HRG: variants seen among roughly 807,000 people sequenced by gnomAD.
HRG encodes the protein histidine-rich glycoprotein.
Under a neutral mutation model 29.5 loss-of-function variants are expected in HRG, and 26 were observed. The observed-to-expected ratio is 0.88, with a 90% CI of 0.65 to 1.22. HRG has a LOEUF of 1.22. Among genes scored for constraint, HRG ranks in the 50% most tolerant of loss-of-function variants. The probability of loss-of-function intolerance (pLI) is 0.00; values close to 1 mark genes in which losing one functional copy is unlikely to be tolerated. For synonymous variants in HRG, 243 were observed against 240.4 expected, an observed-to-expected ratio of 1.01 and a Z score of -0.10; for missense variants, 671 against 654.5, an observed-to-expected ratio of 1.03 and a Z score of -0.28.
chr3:186,666,531 C>A (rs532979438), intron 1 of HRG, among the ~76,000 whole-genome samples: 18 of 152,286 alleles, frequency 1.2e-4, no homozygotes, highest in African/African-American at 4.3e-4. Context: ...CTGGCACATA[C>A]AGGCAAACAG....
chr3:186,672,442 AT>A (rs1380342313), intron 4 of HRG, among the ~76,000 whole-genome samples: 1 of 152,182 alleles, frequency 6.6e-6, no homozygotes, highest in Non-Finnish European at 1.5e-5. Flanking sequence ...AAACACTTAG[AT>A]CTCCCTGTGT....
At position 186,672,851 on chromosome 3, in the gene HRG, T is replaced by G. The variant is rs760522629; in HGVS notation, c.623T>G (p.Phe208Cys). The G allele has an allele frequency of 6.2e-7, 1 of 1,608,268 alleles. No homozygotes were observed. Among genetic ancestry groups the G allele is most frequent in the Non-Finnish European group, 8.5e-7 (1 of 1,174,874 alleles). ...FSVRNCPRHH[F>C]PRHPNVFGFC... ...GTGCGGAACTGCCCCAGACACCATT[T>G]CCCCAGACACCCCAATGTGAGTATA... The change falls in exon 5 of 7, where the codon TTC becomes TGC. Residue 208 changes from phenylalanine (F) to cysteine (C), a missense_variant. Phe to Cys is a radical substitution (Grantham distance 205). Coordinates refer to ENST00000232003, the MANE Select transcript of HRG (RefSeq NM_000412.5).
chr3:186,673,978 C>T lies in HRG; in HGVS notation c.639+1111C>T, dbSNP rs1180733240. The T allele has an allele frequency of 3.9e-5, 6 of 152,114 alleles. No individual in the cohort carries two copies. The East Asian group carries it at 1.2e-3, about 29-fold the overall frequency. 9.4% of individuals were successfully genotyped at this position (152,114 alleles called of 1,614,324 possible). On this transcript the variant is annotated intron_variant, in intron 5 of 6. Transcript: ENST00000232003. ...CCTACATTTCCTGTGACAAGGGGAC[C>T]TGAAATTAAAACCACTTACCTAAAG...
intron 4 of HRG, among the ~76,000 whole-genome samples, chr3:186,672,079 G>A (rs1579076587): frequency 6.6e-6 from 1 of 151,882 alleles, no homozygotes; most frequent in Non-Finnish European, 1.5e-5. Context: ...TGAGGGTTGT[G>A]TCATTGCAAA....
At position 186,672,838 on chromosome 3, in the gene HRG, C is replaced by T. The variant is rs9898; in HGVS notation, c.610C>T (p.Pro204Ser). ...YFVDFSVRNC[P>S]RHHFPRHPNV... ...CGTGGACTTCTCTGTGCGGAACTGCCCCAGACACCATTTCCCCAGACACCC... is the reference window on the plus strand; with the variant it reads ...CGTGGACTTCTCTGTGCGGAACTGCTCCAGACACCATTTCCCCAGACACCC... Residue 204 changes from proline (P) to serine (S), a missense_variant, in exon 5 of 7, where the codon CCC becomes TCC. Physicochemically the swap from Pro to Ser is moderately conservative, Grantham distance 74. Transcript: ENST00000232003. The T allele has an allele frequency of 0.36, 577,607 of 1,606,904 alleles. 109,148 individuals are homozygous for T. The highest frequency in any genetic ancestry group is 0.6 in the African/African-American group (45,109 of 74,736).
At chr3:186,670,874 A>C (rs1301851727) in intron 3 of HRG, among the ~76,000 whole-genome samples, 1 of 152,140 alleles carries the variant, frequency 6.6e-6, no homozygotes, top group African/African-American at 2.4e-5. Context: ...TACATTTTCA[A>C]ATAGAATTAT....
At position 186,677,244 on chromosome 3, in the gene HRG, A is replaced by G; in HGVS notation, c.939A>G (p.Pro313=). Reference sequence around the variant, plus strand: ...ATCACTCACATGGACCCCCACTTCCACAAGGCCCTCCTCCACTATTGCCCA... The same window carrying G: ...ATCACTCACATGGACCCCCACTTCCGCAAGGCCCTCCTCCACTATTGCCCA... ...ERDHSHGPPL[P]QGPPPLLPMS... Residue 313 remains proline (P), a synonymous_variant, in exon 7 of 7, where the codon CCA becomes CCG. Transcript: ENST00000232003. The G allele has an allele frequency of 6.2e-7, 1 of 1,614,054 alleles. No individual in the cohort carries two copies. Among genetic ancestry groups the G allele is most frequent in the Non-Finnish European group, 8.5e-7 (1 of 1,179,984 alleles).
chr3:186,669,194 G>A (rs558914618), intron 2 of HRG, 143 bp downstream of exon 2: 51 of 743,306 alleles, frequency 6.9e-5, no homozygotes, highest in Non-Finnish European at 1.1e-4. Flanking sequence ...TGTTAACCTT[G>A]AGCAATACTC....
Position 186,677,425 on chromosome 3 carries a change from C to T in HRG, c.1120C>T (p.His374Tyr). 1.2e-6 allele frequency: 2 copies of T among 1,602,846 alleles called. No individual in the cohort carries two copies. Among genetic ancestry groups the T allele is most frequent in the South Asian group, 1.1e-5 (1 of 89,614 alleles). Residue 374 changes from histidine (H) to tyrosine (Y), a missense_variant, in exon 7 of 7, where the codon CAT becomes TAT. His to Tyr is a moderately conservative substitution (Grantham distance 83, BLOSUM62 2). Coordinates refer to ENST00000232003, the MANE Select transcript of HRG (RefSeq NM_000412.5). ...HHPHAHHPHE[H>Y]DTHRQHPHGH... is the part of the protein sequence containing the mutation. ...TCCCCATGCACACCATCCTCATGAA[C>T]ATGATACCCATAGACAGCATCCCCA...
intron 3 of HRG, among the ~76,000 whole-genome samples, chr3:186,670,283 A>T (rs1285705606): frequency 6.6e-6 from 1 of 152,172 alleles, no homozygotes; most frequent in Non-Finnish European, 1.5e-5. Context: ...ATAGAGATTT[A>T]GGAGAGGTAG....
At chr3:186,670,655 C>A (rs1164171004) in intron 3 of HRG, among the ~76,000 whole-genome samples, 1 of 152,056 alleles carries the variant, frequency 6.6e-6, no homozygotes, top group African/African-American at 2.4e-5. Context: ...TCAAGCAATT[C>A]TCCTGTCTCA....
At chr3:186,675,327 G>GAGAGAGAC (rs1274087618) in intron 6 of HRG, 137 bp downstream of exon 6, 11 of 676,702 alleles carry the variant, frequency 1.6e-5, no homozygotes, top group African/African-American at 7.3e-5. Flanking sequence ...GAGAGAGAGA[G>GAGAGAGAC]AGAGACAGAG....
chr3:186,672,280 T>C (rs761838266), intron 4 of HRG, among the ~76,000 whole-genome samples: 3 of 152,240 alleles, frequency 2.0e-5, no homozygotes, highest in Non-Finnish European at 4.4e-5. Context: ...AATGCAGCGT[T>C]AAATAGATTG....
chr3:186,671,013 A>G (rs1047228933), intron 3 of HRG, among the ~76,000 whole-genome samples: 5 of 151,844 alleles, frequency 3.3e-5, no homozygotes, highest in Admixed American at 6.6e-5. Flanking sequence ...GCAAAACTCT[A>G]TGTTAATGCT....
Position 186,677,903 on chromosome 3 carries a change from G to A in HRG, c.*20G>A. On this transcript the variant is annotated 3_prime_UTR_variant, in exon 7 of 7. Transcript: ENST00000232003. ...AAATAAAATGTGATTCCTTTGAAGA[G>A]GAAAATGAATAATACATTGAATTAG... 1 of 1,597,436 alleles carries A rather than the reference G, an allele frequency of 6.3e-7. No individual in the cohort carries two copies. The highest frequency in any genetic ancestry group is 1.3e-5 in the African/African-American group (1 of 74,624).
intron 4 of HRG, among the ~76,000 whole-genome samples, chr3:186,672,543 A>G (rs7429092): frequency 0.98 from 148,918 of 152,314 alleles, 72,887 homozygotes; most frequent in Middle Eastern, 1. Context: ...AGTGCAGGAG[A>G]GGTGATTTTT....
intron 6 of HRG, among the ~76,000 whole-genome samples, chr3:186,676,427 C>T (rs1313231011): frequency 6.6e-6 from 1 of 151,656 alleles, no homozygotes; most frequent in Non-Finnish European, 1.5e-5. Context: ...ATCTAAAGGA[C>T]AATCCTTTAC....
In HRG at chr3:186,675,123, A is replaced by G; in HGVS notation, c.674A>G (p.Asp225Gly). Residue 225 changes from aspartate (D) to glycine (G), a missense_variant, in exon 6 of 7, where the codon GAT becomes GGT. By Grantham distance (94) the Asp-to-Gly change is moderately conservative. Transcript: ENST00000232003. ...TTCTGCAGAGCAGATTTGTTCTATG[A>G]TGTAGAAGCCTTGGACTTGGAAAGC... ...FGFCRADLFY[D>G]VEALDLESPK... The G allele has an allele frequency of 6.2e-7, 1 of 1,613,788 alleles. No homozygotes were observed. Among genetic ancestry groups the G allele is most frequent in the Non-Finnish European group, 8.5e-7 (1 of 1,179,724 alleles).
rs964345280 is a variant in HRG, at chr3:186,672,777, T to C, written c.559-10T>C. The C allele has an allele frequency of 6.3e-7, 1 of 1,583,132 alleles. No homozygotes were observed. The highest frequency in any genetic ancestry group is 8.7e-7 in the Non-Finnish European group (1 of 1,151,876). On this transcript the variant is annotated splice_polypyrimidine_tract_variant and intron_variant, in intron 4 of 6. Transcript: ENST00000232003. ...TGTTCTTGAAACTATTTTGATCCCA[T>C]CTGTTCTAGAGAGGAGGGGAAGGAA...
Sources: gnomAD v4.1 joint callset for allele counts (sites outside exome capture counted in the v4.1 genomes callset) on GRCh38, gnomAD v4.1.1 for gene constraint, MANE v1.5 for transcripts, NCBI Gene and HGNC (gene_info 2026-07-23, HGNC 2026-07-21) for gene names.